Variants in TTC34 observed in about 807,000 individuals in gnomAD.
The protein encoded by TTC34 is tetratricopeptide repeat protein 34.
A neutral mutation model predicts 40.7 loss-of-function variants in TTC34; 44 were observed. The ratio of observed to expected loss-of-function variants is 1.08; its 90% CI spans 0.85 to 1.39. TTC34 has a LOEUF of 1.39. Among genes scored for constraint, TTC34 ranks in the 40% most tolerant of loss-of-function variants. TTC34 has a pLI of 0.00. For synonymous variants in TTC34, 422 were observed against 398.6 expected (o/e 1.06, Z -0.70); for missense variants, 884 against 838.0 (o/e 1.05, Z -0.68).
In TTC34 at chr1:2,783,550, C is replaced by T. The variant is rs1569954786; in HGVS notation, c.2226+59G>A. ...CCTCTCTCCTTGGGGTGGAGGAAGG[C>T]AGCTCCCTGGGTCCCCCACCCGTGC... On this transcript the variant is annotated intron_variant, in intron 6 of 8. Coordinates refer to ENST00000401095, the Ensembl canonical transcript of TTC34. 8 of 1,309,854 alleles carry T rather than the reference C, an allele frequency of 6.1e-6. No homozygotes were observed. In the East Asian group the frequency reaches 2.4e-4, roughly 39 times the overall value. The allele number at this position is 1,309,854 out of a possible 1,614,324, so 81.1% of individuals were successfully genotyped here.
intron 6 of TTC34, among the ~76,000 whole-genome samples, chr1:2,650,352 T>C (rs1387759260): frequency 1.3e-5 from 2 of 151,330 alleles, no homozygotes; most frequent in Non-Finnish European, 2.9e-5. Flanking sequence ...CAGGTGAGCA[T>C]CTGACAGCCT....
intron 3 of TTC34, 67 bp downstream of exon 3, chr1:2,789,436 A>T: frequency 7.1e-7 from 1 of 1,405,276 alleles, no homozygotes; most frequent in Non-Finnish European, 9.5e-7. Flanking sequence ...GAGGAAACAC[A>T]TCCGTCGCTA....
intron 6 of TTC34, among the ~76,000 whole-genome samples, chr1:2,682,092 G>A (rs1410019387): frequency 1.5e-4 from 20 of 131,736 alleles, no homozygotes; most frequent in South Asian, 2.6e-4. Context: ...TGACAGCCTG[G>A]AGCAGCACCC....
In TTC34 at chr1:2,755,070, C is replaced by T. The variant is rs1441876192; in HGVS notation, c.2226+28539G>A. ...GAACAGCACCCTGCACCCCCAGGTG[C>T]GCACGTGACAGCCTGGAACAGCACA... On this transcript the variant is annotated intron_variant, in intron 6 of 8. Transcript: ENST00000401095. Among the ~76,000 whole-genome samples, 8 of 40,282 alleles carry T rather than the reference C, an allele frequency of 2.0e-4. 2 individuals are homozygous for T. The highest frequency in any genetic ancestry group is 3.1e-4 in the Non-Finnish European group (8 of 25,896). The allele number at this position is 40,282 out of a possible 152,430, so 26.4% of individuals were successfully genotyped here.
chr1:2,754,298 C>A (rs1284310809), intron 6 of TTC34, among the ~76,000 whole-genome samples: 4 of 46,722 alleles, frequency 8.6e-5, no homozygotes, highest in Non-Finnish European at 1.1e-4. Context: ...GCACGCACAC[C>A]CCCAGGTGAG....
At chr1:2,694,573 C>G (rs1394299115) in intron 6 of TTC34, among the ~76,000 whole-genome samples, 2 of 107,306 alleles carry the variant, frequency 1.9e-5, no homozygotes, top group East Asian at 2.5e-4. Context: ...ATCTGACAGC[C>G]TGGAACAGTA....
At position 2,796,884 on chromosome 1, in the gene TTC34, CGTT is replaced by C. The variant is rs1488027366; in HGVS notation, c.784+3157_784+3159del. Reference sequence around the variant, plus strand: ...CTAACTGGTTCCTGCCCCACCCTCTCGTTGGGGTCACCAAGAACCTCGGCACCA... The same window carrying C: ...CTAACTGGTTCCTGCCCCACCCTCTCGGGGTCACCAAGAACCTCGGCACCA... On this transcript the variant is annotated intron_variant, in intron 2 of 8. Transcript: ENST00000401095. The surrounding 1 kb of genome is among the most constrained non-coding windows in gnomAD (Gnocchi z 4.5). Among the ~76,000 whole-genome samples the C allele has an allele frequency of 6.6e-6, 1 of 152,200 alleles. No individual in the cohort carries two copies. The highest frequency in any genetic ancestry group is 6.5e-5 in the Admixed American group (1 of 15,282).
At chr1:2,675,138 A>ATGTTCTGGAG in intron 6 of TTC34, among the ~76,000 whole-genome samples, 1 of 6,504 alleles carries the variant, frequency 1.5e-4, no homozygotes, top group Non-Finnish European at 4.1e-4. Flanking sequence ...TGAGAATCTG[A>ATGTTCTGGAG]CAGCCCGTAG....
At chr1:2,784,076 C>T (rs1174293506) in intron 5 of TTC34, among the ~76,000 whole-genome samples, 16 of 152,076 alleles carry the variant, frequency 1.1e-4, no homozygotes, top group Admixed American at 2.0e-4. Flanking sequence ...ACCATCAAGA[C>T]GCGGAGACCG....
At chr1:2,683,881 C>A (rs1309147320) in intron 6 of TTC34, among the ~76,000 whole-genome samples, 2 of 139,720 alleles carry the variant, frequency 1.4e-5, no homozygotes, top group African/African-American at 5.6e-5. Flanking sequence ...CACCCCGAGG[C>A]GAGCATCTGA....
intron 6 of TTC34, among the ~76,000 whole-genome samples, chr1:2,657,366 G>C (rs1207342292): frequency 1.3e-4 from 12 of 95,602 alleles, no homozygotes; most frequent in African/African-American, 3.4e-4. Flanking sequence ...TGACAACTTG[G>C]AGCAGCACCC....
intron 6 of TTC34, among the ~76,000 whole-genome samples, chr1:2,687,848 C>G (rs1291354291): frequency 2.2e-5 from 2 of 89,976 alleles, no homozygotes; most frequent in African/African-American, 5.6e-5. Context: ...TACCCACACC[C>G]ACAGTTGAGC....
intron 6 of TTC34, among the ~76,000 whole-genome samples, chr1:2,677,774 C>G (rs1570793344): frequency 7.1e-6 from 1 of 140,952 alleles, no homozygotes; most frequent in Non-Finnish European, 1.6e-5. Context: ...ACCCACACCC[C>G]CAGGTGAGCA....
At chr1:2,798,323 C>T (rs1282338280) in intron 2 of TTC34, among the ~76,000 whole-genome samples, 1 of 112,702 alleles carries the variant, frequency 8.9e-6, no homozygotes, top group African/African-American at 3.7e-5. Flanking sequence ...CCCAGCCTCC[C>T]AGCCTCTCAG....
chr1:2,798,368 T>C (rs924723474), intron 2 of TTC34, among the ~76,000 whole-genome samples: 11 of 50,488 alleles, frequency 2.2e-4, no homozygotes, highest in African/African-American at 7.9e-4. Context: ...CCCCCCAGCC[T>C]CCCAGCCTCC....
chr1:2,783,893 G>T, intron 5 of TTC34, 118 bp from the exon 6 acceptor site: 2 of 979,910 alleles, frequency 2.0e-6, no homozygotes, highest in South Asian at 2.9e-5. Context: ...ACCTTGGGGA[G>T]CTCACAGGCC....
At chr1:2,794,063 A>G (rs986586238) in intron 2 of TTC34, among the ~76,000 whole-genome samples, 1 of 151,948 alleles carries the variant, frequency 6.6e-6, no homozygotes, top group African/African-American at 2.4e-5. Flanking sequence ...TGGTGTGATT[A>G]CAGCTCACTG....
chr1:2,764,168 A>C (rs1380767671), intron 6 of TTC34, among the ~76,000 whole-genome samples: 2 of 149,258 alleles, frequency 1.3e-5, no homozygotes, highest in Admixed American at 1.3e-4. Context: ...GACGCATAAA[A>C]CAGCACCCTG....
In TTC34 at chr1:2,754,986, G is replaced by A. The variant is rs1461685822; in HGVS notation, c.2226+28623C>T. 9.2e-3 allele frequency among the ~76,000 whole-genome samples: 602 copies of A among 65,122 alleles called. 5 individuals carry two copies. The highest frequency in any genetic ancestry group is 0.011 in the Admixed American group (79 of 7,124). The allele number at this position is 65,122 out of a possible 152,430, so 42.7% of individuals were successfully genotyped here. A position where few individuals can be genotyped will look rare whatever the true frequency, so the allele number is the denominator to read the frequency against. On this transcript the variant is annotated intron_variant, in intron 6 of 8. Coordinates refer to ENST00000401095, the Ensembl canonical transcript of TTC34. ...CCTGGAACAGCACCCACACCCCCAGGCGAGCATCTCACAGCACGTAACAGC... is the reference window on the plus strand; with the variant it reads ...CCTGGAACAGCACCCACACCCCCAGACGAGCATCTCACAGCACGTAACAGC...
Sources: gnomAD v4.1 joint callset for allele counts (sites outside exome capture counted in the v4.1 genomes callset) on GRCh38, gnomAD v4.1.1 for gene constraint, Gnocchi (gnomAD v3.1) non-coding constraint, MANE v1.5 for transcripts, NCBI Gene and HGNC (gene_info 2026-07-23, HGNC 2026-07-21) for gene names.